Variants in PLCZ1 observed in about 807,000 individuals in gnomAD.
The protein encoded by PLCZ1 is phospholipase C zeta 1, also known as 1-phosphatidylinositol 4,5-bisphosphate phosphodiesterase zeta-1.
PLCZ1 carries 64 observed loss-of-function variants against 76.8 expected under a neutral mutation model. That is an observed-to-expected ratio of 0.83 (90% CI 0.68 to 1.03). The LOEUF (loss-of-function observed/expected upper bound fraction) is 1.03. Among genes scored for constraint, PLCZ1 ranks in the 50% least tolerant of loss-of-function variants. The pLI is 0.00. For synonymous variants in PLCZ1, 248 were observed against 230.8 expected, an observed-to-expected ratio of 1.07 and a Z score of -0.68; for missense variants, 751 against 713.7, an observed-to-expected ratio of 1.05 and a Z score of -0.60.
chr12:18,690,282 G>A (rs1164908660), intron 12 of PLCZ1, among the ~76,000 whole-genome samples: 3 of 152,022 alleles, frequency 2.0e-5, no homozygotes, highest in East Asian at 3.9e-4. Context: ...GGAGTGCAAC[G>A]GTGCGACCTC....
intron 12 of PLCZ1, among the ~76,000 whole-genome samples, chr12:18,692,055 C>A (rs1954177944): frequency 1.3e-5 from 2 of 152,104 alleles, no homozygotes; most frequent in South Asian, 4.1e-4. Flanking sequence ...GGAGCTGAGC[C>A]AGGAAAAGTC....
intron 3 of PLCZ1, among the ~76,000 whole-genome samples, chr12:18,733,895 T>G (rs553194766): frequency 5.3e-5 from 8 of 152,210 alleles, no homozygotes; most frequent in Non-Finnish European, 1.0e-4. Context: ...AAACCAAAAA[T>G]TGTGATGCCT....
chr12:18,737,314 A>G (rs1396266381), intron 2 of PLCZ1, 47 bp downstream of exon 2: 1 of 1,577,862 alleles, frequency 6.3e-7, no homozygotes. Context: ...AAAGAGGATA[A>G]GTAGGAGAAA....
intron 4 of PLCZ1, 114 bp downstream of exon 4, chr12:18,723,197 C>T (rs73056414): frequency 0.091 from 82,679 of 905,218 alleles, 4,354 homozygotes; most frequent in African/African-American, 0.15. Flanking sequence ...CATCCAAAAA[C>T]GGTAATTTGA....
intron 5 of PLCZ1, among the ~76,000 whole-genome samples, chr12:18,719,035 T>C (rs1458785307): frequency 2.6e-5 from 4 of 152,214 alleles, no homozygotes; most frequent in Non-Finnish European, 4.4e-5. Context: ...GCTTTAGTTA[T>C]AGTATGTGTC....
intron 4 of PLCZ1, among the ~76,000 whole-genome samples, chr12:18,721,098 A>G (rs1169730951): frequency 6.6e-6 from 1 of 152,136 alleles, no homozygotes; most frequent in African/African-American, 2.4e-5. Context: ...TGACTTGCAT[A>G]CATTTATTAT....
chr12:18,684,111 T>C lies in PLCZ1; in HGVS notation c.1741+19A>G, dbSNP rs760757521. 4 of 1,610,010 alleles carry C rather than the reference T, an allele frequency of 2.5e-6. No homozygotes were observed. The highest frequency in any genetic ancestry group is 3.4e-6 in the Non-Finnish European group (4 of 1,177,722). On this transcript the variant is annotated intron_variant, in intron 14 of 14. Coordinates refer to ENST00000266505, the MANE Select transcript of PLCZ1 (RefSeq NM_033123.4). ...ATATTTAAATGCTGGTACAATCATC[T>C]AACTTTTAGGGACATTACCTTTGTT...
the PLCZ1 span, among the ~76,000 whole-genome samples, chr12:18,652,891 A>G: frequency 6.6e-6 from 1 of 152,014 alleles, no homozygotes; most frequent in East Asian, 1.9e-4. Context: ...GAACATATAC[A>G]TATATATGTA....
intron 5 of PLCZ1, among the ~76,000 whole-genome samples, chr12:18,716,615 C>T (rs187857848): frequency 6.6e-5 from 10 of 152,246 alleles, no homozygotes; most frequent in East Asian, 1.9e-4. Context: ...CTCTTGACTT[C>T]GGCTGCTAGG....
the PLCZ1 span, among the ~76,000 whole-genome samples, chr12:18,672,096 C>T: frequency 6.6e-6 from 1 of 152,156 alleles, no homozygotes; most frequent in African/African-American, 2.4e-5. Context: ...CACAAACATT[C>T]AGATCATAGC....
chr12:18,694,236 C>T lies in PLCZ1; in HGVS notation c.1461+674G>A, dbSNP rs555889412. On this transcript the variant is annotated intron_variant, in intron 12 of 14. Coordinates refer to ENST00000266505, the MANE Select transcript of PLCZ1 (RefSeq NM_033123.4). ...AAAACATCCTGTGTCTTTTGGAGTA[C>T]GATGTGTAAGTGCCCACTGGGTGGC... is the stretch of plus-strand genomic sequence containing the variant. 285 of 604,702 alleles carry T rather than the reference C, an allele frequency of 4.7e-4. 1 individual carries two copies. Among genetic ancestry groups the T allele is most frequent in the African/African-American group, 4.2e-3 (227 of 53,550 alleles). The allele number at this position is 604,702 out of a possible 1,614,324, so 37.5% of individuals were successfully genotyped here.
the PLCZ1 span, among the ~76,000 whole-genome samples, chr12:18,677,746 C>T: frequency 6.6e-6 from 1 of 152,046 alleles, no homozygotes; most frequent in Non-Finnish European, 1.5e-5. Context: ...TTAAGAACAA[C>T]TGGTCTACAT....
downstream of PLCZ1, among the ~76,000 whole-genome samples, chr12:18,682,887 TC>T (rs1369613539): frequency 2.6e-5 from 4 of 152,020 alleles, no homozygotes; most frequent in Non-Finnish European, 5.9e-5. Flanking sequence ...ATTTCACATT[TC>T]TTTTATACTG....
chr12:18,702,257 G>C (rs1045072946), intron 7 of PLCZ1, among the ~76,000 whole-genome samples: 10 of 151,466 alleles, frequency 6.6e-5, no homozygotes, highest in Non-Finnish European at 1.2e-4. Context: ...CGTAATAAAG[G>C]CTCTTCAAAT....
chr12:18,719,635 A>T lies in PLCZ1; in HGVS notation c.368-3T>A. On this transcript the variant is annotated splice_polypyrimidine_tract_variant and splice_region_variant and intron_variant, in intron 4 of 14. Coordinates refer to ENST00000266505, the MANE Select transcript of PLCZ1 (RefSeq NM_033123.4). The stretch of plus-strand genomic sequence containing the variant: ...TGACATTTGGTGTGCTTTCCTAACT[A>T]AAAAAATAAAATAAAATAAGTTAAA... 1 of 1,571,662 alleles carries T rather than the reference A, an allele frequency of 6.4e-7. No individual in the cohort carries two copies.
At chr12:18,725,770 G>A (rs936670349) in intron 3 of PLCZ1, among the ~76,000 whole-genome samples, 4 of 151,976 alleles carry the variant, frequency 2.6e-5, no homozygotes, top group African/African-American at 9.7e-5. Context: ...TATGTTTCTC[G>A]TTGTTGTTTT....
intron 11 of PLCZ1, among the ~76,000 whole-genome samples, chr12:18,695,834 C>G (rs1047005313): frequency 6.6e-6 from 1 of 152,000 alleles, no homozygotes; most frequent in Non-Finnish European, 1.5e-5. Flanking sequence ...TTGAGCATAC[C>G]TCAAGCAAAG....
the PLCZ1 span, among the ~76,000 whole-genome samples, chr12:18,661,626 T>C: frequency 1.3e-5 from 2 of 152,066 alleles, no homozygotes; most frequent in Non-Finnish European, 2.9e-5. Context: ...AGAATGGCTA[T>C]TATTAAAAAG....
At chr12:18,681,282 G>A (rs958460259), downstream of PLCZ1, among the ~76,000 whole-genome samples, 3 of 151,976 alleles carry the variant, frequency 2.0e-5, no homozygotes, top group African/African-American at 7.2e-5. Flanking sequence ...AGCAGAACAC[G>A]GATGGCTTCC....
Sources: allele counts gnomAD v4.1 joint callset (sites outside exome capture counted in the v4.1 genomes callset), GRCh38; gene constraint gnomAD v4.1.1; transcripts MANE v1.5; gene names NCBI Gene and HGNC (gene_info 2026-07-23, HGNC 2026-07-21).